The following HPSE2 variants were observed in gnomAD, a reference collection of about 807,000 sequenced individuals.
HPSE2 encodes the protein inactive heparanase-2.
HPSE2 carries 38 observed loss-of-function variants against 60.5 expected under a neutral mutation model. That is an observed-to-expected ratio of 0.63 (90% CI 0.48 to 0.82). The LOEUF is 0.82. Ranked by LOEUF, HPSE2 falls within the 40% of genes least tolerant of loss-of-function variation. HPSE2 has a pLI of 0.00. For synonymous variants in HPSE2, 295 were observed against 293.2 expected, an observed-to-expected ratio of 1.01 and a Z score of -0.06; for missense variants, 713 against 740.4, an observed-to-expected ratio of 0.96 and a Z score of 0.43.
chr10:98,859,292 T>C (rs771839381), intron 3 of HPSE2, among the ~76,000 whole-genome samples: 8 of 152,188 alleles, frequency 5.3e-5, no homozygotes, highest in Non-Finnish European at 7.3e-5. Flanking sequence ...TATCTGGCCC[T>C]TTACATTAAA....
intron 3 of HPSE2, among the ~76,000 whole-genome samples, chr10:99,099,834 C>A (rs1378185632): frequency 6.6e-6 from 1 of 152,134 alleles, no homozygotes; most frequent in Non-Finnish European, 1.5e-5. Flanking sequence ...TCCTGTTCAG[C>A]AATATTCACC....
intron 3 of HPSE2, among the ~76,000 whole-genome samples, chr10:99,072,925 C>A (rs999981625): frequency 1.6e-5 from 1 of 63,290 alleles, no homozygotes; most frequent in African/African-American, 9.7e-5. Flanking sequence ...CAGGCTCCGT[C>A]TCAAAAAAAA....
chr10:98,778,298 A>AGAGAGAGAGAGAGAGAGAC (rs1950390952), intron 3 of HPSE2, among the ~76,000 whole-genome samples: 1 of 29,352 alleles, frequency 3.4e-5, no homozygotes. Flanking sequence ...GAGAGAGAGA[A>AGAGAGAGAGAGAGAGAGAC]AGCAAGAAAG....
intron 3 of HPSE2, among the ~76,000 whole-genome samples, chr10:98,871,148 G>T (rs145745960): frequency 6.6e-6 from 1 of 151,910 alleles, no homozygotes; most frequent in Non-Finnish European, 1.5e-5. Flanking sequence ...ACCCAGTCTC[G>T]AGTATTCCTT....
At chr10:98,774,776 T>C (rs986617167) in intron 3 of HPSE2, among the ~76,000 whole-genome samples, 4 of 152,156 alleles carry the variant, frequency 2.6e-5, no homozygotes, top group African/African-American at 9.7e-5. Context: ...GGCTCAGTGT[T>C]TCCTTTCCCT....
chr10:98,894,998 AACCTGGAATTGTATAC>A (rs1416550654), intron 3 of HPSE2, among the ~76,000 whole-genome samples: 1 of 152,152 alleles, frequency 6.6e-6, no homozygotes, highest in African/African-American at 2.4e-5. Context: ...AATAACCATC[AACCTGGAATTGTATAC>A]AAGTTGTATA....
intron 4 of HPSE2, among the ~76,000 whole-genome samples, chr10:98,743,349 G>A (rs1184307711): frequency 6.6e-6 from 1 of 152,140 alleles, no homozygotes; most frequent in Non-Finnish European, 1.5e-5. Context: ...CGGTTAAATT[G>A]TTTAAGAAAT....
chr10:99,315,472 G>T, the HPSE2 span, among the ~76,000 whole-genome samples: 1 of 152,180 alleles, frequency 6.6e-6, no homozygotes, highest in Non-Finnish European at 1.5e-5. Flanking sequence ...TTTAACAATG[G>T]AAGGAAGAAG....
chr10:98,546,498 C>T (rs1400446609), intron 9 of HPSE2, among the ~76,000 whole-genome samples: 14 of 151,274 alleles, frequency 9.3e-5, no homozygotes, highest in Non-Finnish European at 1.5e-4. Flanking sequence ...GAAATAACGC[C>T]GCATACCTAC....
chr10:99,152,841 G>A (rs1381088695), intron 2 of HPSE2, among the ~76,000 whole-genome samples: 2 of 152,196 alleles, frequency 1.3e-5, no homozygotes, highest in South Asian at 2.1e-4. Flanking sequence ...CTGAGGTACC[G>A]GGTTCACCTC....
At chr10:98,502,703 CTTAA>C (rs1942066212) in intron 9 of HPSE2, among the ~76,000 whole-genome samples, 1 of 152,134 alleles carries the variant, frequency 6.6e-6, no homozygotes, top group African/African-American at 2.4e-5. Context: ...ATAGTTGGGA[CTTAA>C]TTAAACTAAA....
intron 11 of HPSE2, among the ~76,000 whole-genome samples, chr10:98,466,951 G>T (rs1032563210): frequency 6.6e-6 from 1 of 152,114 alleles, no homozygotes; most frequent in African/African-American, 2.4e-5. Context: ...CCGCCAAGAG[G>T]CTCACTCTAG....
chr10:98,616,727 T>G (rs1443430225), intron 8 of HPSE2, among the ~76,000 whole-genome samples: 3 of 152,164 alleles, frequency 2.0e-5, no homozygotes, highest in Admixed American at 1.3e-4. Context: ...GAAATCTGAC[T>G]GTAATATAGT....
intron 3 of HPSE2, among the ~76,000 whole-genome samples, chr10:99,070,391 T>C (rs1054423763): frequency 6.6e-6 from 1 of 152,154 alleles, no homozygotes; most frequent in African/African-American, 2.4e-5. Context: ...ATTAGTAAAA[T>C]GCAAATTAAA....
chr10:99,232,297 C>CG, intron 2 of HPSE2, 51 bp downstream of exon 2: 1 of 1,535,334 alleles, frequency 6.5e-7, no homozygotes, highest in Non-Finnish European at 8.8e-7. Context: ...ACAAACACAG[C>CG]GGGTGCTTGC....
At chr10:98,629,303 T>C (rs535113959) in intron 7 of HPSE2, among the ~76,000 whole-genome samples, 1 of 152,310 alleles carries the variant, frequency 6.6e-6, no homozygotes, top group East Asian at 1.9e-4. Context: ...GAACAGTAGC[T>C]CTTTAAGTAA....
intron 9 of HPSE2, among the ~76,000 whole-genome samples, chr10:98,538,871 C>A (rs969191526): frequency 6.6e-6 from 1 of 152,140 alleles, no homozygotes; most frequent in Non-Finnish European, 1.5e-5. Flanking sequence ...TGAACAGAGG[C>A]ATAAGCATAC....
At chr10:98,798,337 T>G (rs1950827461) in intron 3 of HPSE2, among the ~76,000 whole-genome samples, 2 of 152,190 alleles carry the variant, frequency 1.3e-5, no homozygotes, top group Non-Finnish European at 2.9e-5. Flanking sequence ...ATGGGAGTTC[T>G]TCATTCTGAA....
intron 3 of HPSE2, among the ~76,000 whole-genome samples, chr10:98,983,941 G>A (rs866391319): frequency 6.6e-6 from 1 of 152,184 alleles, no homozygotes; most frequent in Non-Finnish European, 1.5e-5. Context: ...AGCCAGGCTC[G>A]GGGAGGGGCG....
Sources: allele counts gnomAD v4.1 joint callset (sites outside exome capture counted in the v4.1 genomes callset), GRCh38; gene constraint gnomAD v4.1.1; transcripts MANE v1.5; gene names NCBI Gene and HGNC (gene_info 2026-07-23, HGNC 2026-07-21).